Variants in ADAMTSL1 observed in about 807,000 individuals in gnomAD.
The protein encoded by ADAMTSL1 is ADAMTS-like protein 1.
Under a neutral mutation model 201.8 loss-of-function variants are expected in ADAMTSL1, and 126 were observed. The observed-to-expected ratio is 0.62, with a 90% CI of 0.54 to 0.72. The LOEUF (loss-of-function observed/expected upper bound fraction) is 0.72, where lower values mean the gene tolerates loss of function less well. Among genes scored for constraint, ADAMTSL1 ranks in the 30% least tolerant of loss-of-function variants. ADAMTSL1 has a pLI of 0.00. For synonymous variants in ADAMTSL1, 1,121 were observed against 903.4 expected (o/e 1.24, Z -4.32); for missense variants, 2,679 against 2,277.8 (o/e 1.18, Z -3.59).
In ADAMTSL1 at chr9:18,095,416, C is replaced by CTTTTTTTTTTTTTT. The variant is rs35164794; in HGVS notation, c.88-68435_88-68422dup. ...TCCCTGATAAGTTTCTTCTTTCTTT[C>CTTTTTTTTTTTTTT]TTTTTTTTTTTTTTTTTTTTTTTTG... On this transcript the variant is annotated intron_variant, in intron 1 of 29. Coordinates refer to the ADAMTSL1 transcript ENST00000680146. Among the ~76,000 whole-genome samples the CTTTTTTTTTTTTTT allele has an allele frequency of 9.1e-4, 91 of 100,120 alleles. 2 individuals carry two copies. Among genetic ancestry groups the CTTTTTTTTTTTTTT allele is most frequent in the Non-Finnish European group, 1.5e-3 (75 of 49,672 alleles). The allele number at this position is 100,120 out of a possible 152,430, so 65.7% of individuals were successfully genotyped here.
intron 1 of ADAMTSL1, among the ~76,000 whole-genome samples, chr9:18,045,058 C>A (rs1209839131): frequency 6.6e-6 from 1 of 152,090 alleles, no homozygotes; most frequent in African/African-American, 2.4e-5. Flanking sequence ...GTAAACTCTG[C>A]CTTCTGTTAG....
intron 1 of ADAMTSL1, among the ~76,000 whole-genome samples, chr9:18,492,314 G>A (rs1387595955): frequency 1.3e-5 from 2 of 152,126 alleles, no homozygotes; most frequent in Non-Finnish European, 2.9e-5. Context: ...TTTTATCTCA[G>A]CATTTGGGAG....
At chr9:18,012,375 G>A (rs78569150) in intron 1 of ADAMTSL1, among the ~76,000 whole-genome samples, 4,308 of 152,148 alleles carry the variant, frequency 0.028, 79 homozygotes, top group Non-Finnish European at 0.041. Context: ...TTGTGCTTAG[G>A]TCATGGCCTC....
At chr9:18,480,446 C>T (rs550631478) in intron 1 of ADAMTSL1, among the ~76,000 whole-genome samples, 26 of 152,272 alleles carry the variant, frequency 1.7e-4, no homozygotes, top group African/African-American at 5.3e-4. Context: ...ATGGCAAAGC[C>T]ACCAAGTGGA....
At chr9:18,829,999 A>G (rs1171078778) in intron 23 of ADAMTSL1, 22 bp downstream of exon 23, 9 of 1,589,950 alleles carry the variant, frequency 5.7e-6, no homozygotes, top group Non-Finnish European at 5.1e-6. Context: ...CCTCGGAAAC[A>G]TTGGGCAGAA....
intron 1 of ADAMTSL1, among the ~76,000 whole-genome samples, chr9:18,494,041 A>G (rs1400207771): frequency 6.6e-6 from 1 of 152,180 alleles, no homozygotes; most frequent in African/African-American, 2.4e-5. Flanking sequence ...AGCCATTTGT[A>G]TCAAGTCCTA....
chr9:18,103,486 T>G (rs1824623609), intron 1 of ADAMTSL1, among the ~76,000 whole-genome samples: 1 of 152,178 alleles, frequency 6.6e-6, no homozygotes, highest in African/African-American at 2.4e-5. Context: ...TTTTTCTCTC[T>G]TTATTCTTAG....
intron 1 of ADAMTSL1, among the ~76,000 whole-genome samples, chr9:18,484,569 C>T (rs1821891755): frequency 6.6e-6 from 1 of 152,128 alleles, no homozygotes; most frequent in African/African-American, 2.4e-5. Flanking sequence ...TCTTTTCAAT[C>T]TAGAGCTATG....
chr9:18,599,586 T>G (rs1179985641), intron 4 of ADAMTSL1, among the ~76,000 whole-genome samples: 2 of 152,176 alleles, frequency 1.3e-5, no homozygotes, highest in Non-Finnish European at 2.9e-5. Context: ...ATTTTCCCAG[T>G]AGTAGTCTCC....
chr9:18,127,608 A>G (rs1224107960), intron 1 of ADAMTSL1, among the ~76,000 whole-genome samples: 2 of 152,130 alleles, frequency 1.3e-5, no homozygotes, highest in East Asian at 3.9e-4. Flanking sequence ...AAAGTGATAC[A>G]TCCAGTTTAG....
chr9:18,284,346 C>G (rs1330056062), intron 2 of ADAMTSL1, among the ~76,000 whole-genome samples: 1 of 152,090 alleles, frequency 6.6e-6, no homozygotes, highest in Non-Finnish European at 1.5e-5. Context: ...TGTCCATATG[C>G]TTATGTACCA....
intron 1 of ADAMTSL1, among the ~76,000 whole-genome samples, chr9:17,936,882 T>G (rs1827031111): frequency 1.3e-5 from 2 of 152,164 alleles, no homozygotes; most frequent in Non-Finnish European, 2.9e-5. Flanking sequence ...TAATTATTTT[T>G]TGATATTTTC....
At chr9:18,255,257 G>A (rs770355382) in intron 2 of ADAMTSL1, among the ~76,000 whole-genome samples, 1 of 152,158 alleles carries the variant, frequency 6.6e-6, no homozygotes, top group South Asian at 2.1e-4. Flanking sequence ...AACCACTAGG[G>A]GGCGCTGCCG....
intron 2 of ADAMTSL1, among the ~76,000 whole-genome samples, chr9:18,272,374 C>G (rs1563849462): frequency 6.6e-6 from 1 of 152,168 alleles, no homozygotes; most frequent in Non-Finnish European, 1.5e-5. Flanking sequence ...CCCTATTCAA[C>G]AAATGGTGCT....
At chr9:18,713,104 A>T (rs761115494) in intron 14 of ADAMTSL1, among the ~76,000 whole-genome samples, 109 of 151,628 alleles carry the variant, frequency 7.2e-4, no homozygotes, top group Non-Finnish European at 1.4e-3. Context: ...AGGAAGCGCT[A>T]AACATGGAAA....
intron 1 of ADAMTSL1, among the ~76,000 whole-genome samples, chr9:18,076,650 G>A (rs555857738): frequency 3.3e-5 from 5 of 152,318 alleles, no homozygotes; most frequent in South Asian, 2.1e-4. Flanking sequence ...CCTCTTAGGG[G>A]AATGTACAAG....
chr9:18,628,761 TAG>T (rs1312749676), intron 5 of ADAMTSL1, among the ~76,000 whole-genome samples: 1 of 152,220 alleles, frequency 6.6e-6, no homozygotes, highest in Non-Finnish European at 1.5e-5. Context: ...TCTCTTTGAT[TAG>T]CCTTTATTAG....
chr9:18,304,538 A>T (rs1232364568), intron 2 of ADAMTSL1, among the ~76,000 whole-genome samples: 1 of 152,100 alleles, frequency 6.6e-6, no homozygotes, highest in Admixed American at 6.5e-5. Flanking sequence ...AAAAACTCAC[A>T]CTTAAAAACA....
chr9:18,643,659 G>A (rs191178685), intron 7 of ADAMTSL1, among the ~76,000 whole-genome samples: 36 of 151,814 alleles, frequency 2.4e-4, no homozygotes, highest in Admixed American at 8.5e-4. Context: ...TGTCCTTTTC[G>A]CAGCAACTTT....
Sources: gnomAD v4.1 joint callset for allele counts (sites outside exome capture counted in the v4.1 genomes callset) on GRCh38, gnomAD v4.1.1 for gene constraint, MANE v1.5 for transcripts, NCBI Gene and HGNC (gene_info 2026-07-23, HGNC 2026-07-21) for gene names.